HTR2C: variants seen among roughly 807,000 people sequenced by gnomAD.
HTR2C encodes 5-hydroxytryptamine receptor 2C, also known as 5-hydroxytryptamine (serotonin) receptor 2C, G protein-coupled.
Under a neutral mutation model 21.0 loss-of-function variants are expected in HTR2C, and 5 were observed. The ratio of observed to expected loss-of-function variants is 0.24; its 90% CI spans 0.12 to 0.50. The LOEUF (loss-of-function observed/expected upper bound fraction) is 0.50, where lower values mean the gene tolerates loss of function less well. Ranked by LOEUF, HTR2C falls within the 20% of genes least tolerant of loss-of-function variation. HTR2C has a pLI of 0.98. For synonymous variants in HTR2C, 150 were observed against 145.3 expected (o/e 1.03, Z -0.23); for missense variants, 271 against 371.2 (o/e 0.73, Z 2.22).
At chrX:114,614,568 G>A (rs957748017) in intron 2 of HTR2C, among the ~76,000 whole-genome samples, 1 of 110,848 alleles carries the variant, frequency 9.0e-6, no homozygotes, top group Non-Finnish European at 1.9e-5. Flanking sequence ...CCTGCTTTCA[G>A]TAACAAACTC....
chrX:114,773,912 T>C (rs1198545295), intron 4 of HTR2C, among the ~76,000 whole-genome samples: 5 of 105,257 alleles, frequency 4.8e-5, no homozygotes, highest in African/African-American at 1.7e-4. Flanking sequence ...AACTCCATCA[T>C]CTTTAACACT....
At chrX:114,886,537 A>G (rs985106381) in intron 5 of HTR2C, among the ~76,000 whole-genome samples, 8 of 110,679 alleles carry the variant, frequency 7.2e-5, no homozygotes, top group Non-Finnish European at 1.3e-4. Flanking sequence ...AGGGCTTACC[A>G]TATATATCTT....
rs782446840 is a variant in HTR2C at position 114,684,998 on chromosome X, G to A, written c.-79-41860G>A. Among the ~76,000 whole-genome samples the A allele has an allele frequency of 8.1e-5, 9 of 111,270 alleles. No individual in the cohort carries two copies. The East Asian group carries it at 2.5e-3, about 31-fold the overall frequency. ...AAAATCTTTCAATTAATAATGAGAT[G>A]TAGTTTGATGCACTGAAAGGGAAAC... On this transcript the variant is annotated intron_variant, in intron 2 of 5. Transcript: ENST00000276198.
chrX:114,819,013 A>G (rs2070608862), intron 4 of HTR2C, among the ~76,000 whole-genome samples: 1 of 111,444 alleles, frequency 9.0e-6, no homozygotes, highest in Admixed American at 9.7e-5. Context: ...TTATTATTTA[A>G]CTAATTTTGA....
At position 114,907,884 on chromosome X, in the gene HTR2C, T is replaced by TA; in HGVS notation, c.*469_*470insA. ...TATACACTTTACATTCTTGCTCTGC[T>TA]CATCTACACATATAAACACAGTAAG... On this transcript the variant is annotated 3_prime_UTR_variant, in exon 6 of 6. Coordinates refer to ENST00000276198, the MANE Select transcript of HTR2C (RefSeq NM_000868.4). 3 of 114,398 alleles carry TA rather than the reference T, an allele frequency of 2.6e-5. No individual in the cohort carries two copies. Among genetic ancestry groups the TA allele is most frequent in the South Asian group, 3.5e-4 (1 of 2,853 alleles). The allele number at this position is 114,398 out of a possible 1,213,427, so 9.4% of individuals were successfully genotyped here. A position where few individuals can be genotyped will look rare whatever the true frequency, so the allele number is the denominator to read the frequency against.
rs1247411845 is a variant in HTR2C at position 114,845,918 on chromosome X, T to C, written c.350-2085T>C. Among the ~76,000 whole-genome samples the C allele has an allele frequency of 2.5e-4, 28 of 110,070 alleles. No homozygotes were observed. The Admixed American group carries it at 2.7e-3, about 11-fold the overall frequency. On this transcript the variant is annotated intron_variant, in intron 4 of 5. Transcript: ENST00000276198. Reference sequence around the variant, plus strand: ...GCCCTAGCTACTCAGGAGGCTTAGTTAGGAAGATTGCTTGAGCCCAGGAGG... The same window carrying C: ...GCCCTAGCTACTCAGGAGGCTTAGTCAGGAAGATTGCTTGAGCCCAGGAGG...
At chrX:114,815,442 G>GA (rs1399847268) in intron 4 of HTR2C, among the ~76,000 whole-genome samples, 9 of 111,238 alleles carry the variant, frequency 8.1e-5, no homozygotes, top group Admixed American at 7.7e-4. Flanking sequence ...AAACCAAACA[G>GA]AAAAAAATCT....
chrX:114,646,996 T>C (rs1446226177), intron 2 of HTR2C, among the ~76,000 whole-genome samples: 1 of 111,323 alleles, frequency 9.0e-6, no homozygotes, highest in Admixed American at 9.6e-5. Flanking sequence ...CATTACTGCA[T>C]GATCTCACTT....
intron 1 of HTR2C, among the ~76,000 whole-genome samples, chrX:114,611,369 C>T (rs1395254890): frequency 1.8e-5 from 2 of 111,997 alleles, no homozygotes; most frequent in South Asian, 3.7e-4. Context: ...TTCTGCGATG[C>T]GATGTATAAT....
At chrX:114,861,603 C>T (rs1455791754) in intron 5 of HTR2C, among the ~76,000 whole-genome samples, 2 of 111,035 alleles carry the variant, frequency 1.8e-5, no homozygotes, top group Non-Finnish European at 3.8e-5. Flanking sequence ...AATCTACATC[C>T]CCACAAGCAG....
At chrX:114,741,532 A>G (rs1343062032) in intron 4 of HTR2C, among the ~76,000 whole-genome samples, 1 of 83,678 alleles carries the variant, frequency 1.2e-5, no homozygotes, top group Non-Finnish European at 2.4e-5. Context: ...TCTAAAAAAA[A>G]AAAAAAAAAA....
At chrX:114,598,980 C>G (rs1927977355) in intron 1 of HTR2C, among the ~76,000 whole-genome samples, 1 of 111,433 alleles carries the variant, frequency 9.0e-6, no homozygotes, top group Non-Finnish European at 1.9e-5. Context: ...AATTTCCTAA[C>G]TCTGAAATCA....
At chrX:114,836,086 G>C (rs1219119353) in intron 4 of HTR2C, among the ~76,000 whole-genome samples, 1 of 108,951 alleles carries the variant, frequency 9.2e-6, no homozygotes, top group Admixed American at 9.8e-5. Flanking sequence ...GCTGCGTGCT[G>C]TGAGAACCAC....
chrX:114,865,651 T>G lies in HTR2C; in HGVS notation c.550+17448T>G, dbSNP rs148202191. Among the ~76,000 whole-genome samples, 32 of 111,493 alleles carry G rather than the reference T, an allele frequency of 2.9e-4. No homozygotes were observed. In the East Asian group the frequency reaches 8.5e-3, roughly 30 times the overall value. ...ACTTAGGGTATTGAGCATTTTTTTA[T>G]GAGCATATTGATCTTTATATAATCT... is the stretch of plus-strand genomic sequence containing the variant. On this transcript the variant is annotated intron_variant, in intron 5 of 5. Coordinates refer to ENST00000276198, the MANE Select transcript of HTR2C (RefSeq NM_000868.4).
intron 2 of HTR2C, among the ~76,000 whole-genome samples, chrX:114,705,403 T>G (rs868923956): frequency 4.5e-4 from 49 of 109,243 alleles, no homozygotes; most frequent in East Asian, 1.5e-3. Context: ...AAATAACGCC[T>G]CATATCTACA....
intron 4 of HTR2C, among the ~76,000 whole-genome samples, chrX:114,812,515 A>T (rs1398544456): frequency 9.0e-6 from 1 of 110,646 alleles, no homozygotes; most frequent in Non-Finnish European, 1.9e-5. Flanking sequence ...GGATCACTTG[A>T]GGTCAGGAGT....
chrX:114,832,206 T>C (rs1556461421), intron 4 of HTR2C, among the ~76,000 whole-genome samples: 1 of 22,977 alleles, frequency 4.4e-5, no homozygotes. Flanking sequence ...CCATATGAAC[T>C]TTAAAGTAGT....
At chrX:114,829,919 A>T (rs1194748383) in intron 4 of HTR2C, among the ~76,000 whole-genome samples, 20 of 110,969 alleles carry the variant, frequency 1.8e-4, no homozygotes, top group Admixed American at 7.7e-4. Context: ...GAGTCCTAAA[A>T]TTTTTTTCTC....
chrX:114,777,605 T>G (rs1272974108), intron 4 of HTR2C, among the ~76,000 whole-genome samples: 2 of 111,704 alleles, frequency 1.8e-5, no homozygotes, highest in Non-Finnish European at 3.8e-5. Flanking sequence ...TCACCCAGGC[T>G]GGAGTGCAGT....
Sources: gnomAD v4.1 joint callset for allele counts (sites outside exome capture counted in the v4.1 genomes callset) on GRCh38, gnomAD v4.1.1 for gene constraint, MANE v1.5 for transcripts, NCBI Gene and HGNC (gene_info 2026-07-23, HGNC 2026-07-21) for gene names.